Variants in ZFPM2 observed in about 807,000 individuals in gnomAD.
ZFPM2 encodes zinc finger protein, FOG family member 2.
A neutral mutation model predicts 98.6 loss-of-function variants in ZFPM2; 20 were observed. The ratio of observed to expected loss-of-function variants is 0.20; its 90% confidence interval spans 0.14 to 0.29. The LOEUF is 0.29. Ranked by LOEUF, ZFPM2 falls within the 10% of genes least tolerant of loss-of-function variation. ZFPM2 has a pLI of 1.00. For missense variants in ZFPM2, 1,310 were observed against 1,388.6 expected (o/e 0.94, Z 0.90); for synonymous variants, 518 against 502.7 (o/e 1.03, Z -0.41).
rs751900535 is a variant in ZFPM2 at position 105,788,727 on chromosome 8, T to A, written c.542T>A (p.Leu181His). ...TTTTTCTTCTTAATAGGGGGTCAGCTTTGGTGTACAACTACGAAGGCCATC... is the reference window on the plus strand; with the variant it reads ...TTTTTCTTCTTAATAGGGGGTCAGCATTGGTGTACAACTACGAAGGCCATC... ...NCIVYSKGGQLWCTTTKAISE... is the reference protein window; with the variant it reads ...NCIVYSKGGQHWCTTTKAISE... The change falls in exon 6 of 8, where the codon CTT (leucine) becomes CAT (histidine). Residue 181 changes from leucine (L) to histidine (H), a missense_variant. By Grantham distance (99) the Leu-to-His change is moderately conservative (BLOSUM62 -3). Transcript: ENST00000407775. 1.2e-6 allele frequency: 2 copies of A among 1,613,994 alleles called. No homozygotes were observed. Among genetic ancestry groups the A allele is most frequent in the Non-Finnish European group, 8.5e-7 (1 of 1,179,850 alleles).
intron 4 of ZFPM2, among the ~76,000 whole-genome samples, chr8:105,619,344 A>G (rs766457134): frequency 1.4e-4 from 22 of 152,086 alleles, no homozygotes; most frequent in Non-Finnish European, 2.8e-4. Flanking sequence ...ATTAATATTG[A>G]CAATCTACGT....
intron 3 of ZFPM2, among the ~76,000 whole-genome samples, chr8:105,460,799 A>T (rs1184410871): frequency 6.6e-6 from 1 of 152,152 alleles, no homozygotes; most frequent in Non-Finnish European, 1.5e-5. Flanking sequence ...AAGAAAAAAA[A>T]AATGCTCCAT....
chr8:105,550,600 G>A (rs768269503), intron 3 of ZFPM2, among the ~76,000 whole-genome samples: 13 of 152,060 alleles, frequency 8.5e-5, no homozygotes, highest in Non-Finnish European at 1.6e-4. Flanking sequence ...GAGAAAATAC[G>A]TACAAATCAC....
intron 3 of ZFPM2, among the ~76,000 whole-genome samples, chr8:105,557,342 C>T (rs1388093716): frequency 6.6e-6 from 1 of 152,130 alleles, no homozygotes; most frequent in Admixed American, 6.5e-5. Flanking sequence ...CTTCTGGGCC[C>T]CAGGCCTATA....
chr8:105,782,713 T>C (rs1020067792), intron 5 of ZFPM2, among the ~76,000 whole-genome samples: 1 of 152,156 alleles, frequency 6.6e-6, no homozygotes, highest in African/African-American at 2.4e-5. Flanking sequence ...CTGAGTTTGA[T>C]TGAATCCAAG....
At chr8:105,587,345 A>C (rs1167520247) in intron 4 of ZFPM2, among the ~76,000 whole-genome samples, 1 of 152,030 alleles carries the variant, frequency 6.6e-6, no homozygotes, top group Non-Finnish European at 1.5e-5. Context: ...TATACGGAAT[A>C]AAAGTGAAGA....
intron 5 of ZFPM2, among the ~76,000 whole-genome samples, chr8:105,759,937 G>A (rs1287988160): frequency 2.0e-5 from 3 of 152,022 alleles, no homozygotes; most frequent in Non-Finnish European, 4.4e-5. Context: ...GCTAGTGAAC[G>A]AAACAGACAG....
At chr8:105,548,317 A>C (rs1449371836) in intron 3 of ZFPM2, among the ~76,000 whole-genome samples, 1 of 152,158 alleles carries the variant, frequency 6.6e-6, no homozygotes, top group African/African-American at 2.4e-5. Context: ...CTAATAAGAA[A>C]AATATTTTAT....
At position 105,756,466 on chromosome 8, in the gene ZFPM2, A is replaced by G. The variant is rs1313030101; in HGVS notation, c.533-32252A>G. On this transcript the variant is annotated intron_variant, in intron 5 of 7. Coordinates refer to ENST00000407775, the MANE Select transcript of ZFPM2 (RefSeq NM_012082.4). ...GAAAAGCGAAAAAGCTCTGGTGGGC[A>G]GTCAAGGCTTTCAAGCATCCTGACA... Among the ~76,000 whole-genome samples, 13 of 152,290 alleles carry G rather than the reference A, an allele frequency of 8.5e-5. No individual in the cohort carries two copies. The South Asian group carries it at 2.7e-3, about 32-fold the overall frequency.
intron 5 of ZFPM2, among the ~76,000 whole-genome samples, chr8:105,656,230 A>C (rs1169078840): frequency 6.6e-6 from 1 of 152,146 alleles, no homozygotes; most frequent in South Asian, 2.1e-4. Flanking sequence ...AAAACAAGCA[A>C]GTGATGAAAC....
At chr8:105,536,391 T>G (rs1814451570) in intron 3 of ZFPM2, among the ~76,000 whole-genome samples, 2 of 152,168 alleles carry the variant, frequency 1.3e-5, no homozygotes. Context: ...TTGCTAAGTT[T>G]CTTTTCCCCT....
rs1280990933 is a variant in ZFPM2, at chr8:105,632,951, C to G, written c.421-1295C>G. Among the ~76,000 whole-genome samples the G allele has an allele frequency of 5.9e-5, 9 of 151,910 alleles. No homozygotes were observed. In the South Asian group the frequency reaches 1.5e-3, roughly 25 times the overall value. The stretch of plus-strand genomic sequence containing the variant: ...CATCATGGTTGATTTTTCCATTAAA[C>G]AGTATATTTTATAGTAGTTTTAACA... On this transcript the variant is annotated intron_variant, in intron 4 of 7. Coordinates refer to ENST00000407775, the MANE Select transcript of ZFPM2 (RefSeq NM_012082.4).
intron 1 of ZFPM2, among the ~76,000 whole-genome samples, chr8:105,374,539 C>T (rs1383436102): frequency 1.3e-5 from 2 of 152,042 alleles, no homozygotes; most frequent in Non-Finnish European, 2.9e-5. Flanking sequence ...GTGCACACCG[C>T]CACACCCGGT....
chr8:105,508,449 G>A (rs1022359354), intron 3 of ZFPM2, among the ~76,000 whole-genome samples: 2 of 152,112 alleles, frequency 1.3e-5, no homozygotes, highest in African/African-American at 4.8e-5. Flanking sequence ...TGGGCTGGGG[G>A]TTGTTTTGTT....
intron 5 of ZFPM2, among the ~76,000 whole-genome samples, chr8:105,747,354 C>G (rs568290686): frequency 9.9e-5 from 15 of 152,144 alleles, no homozygotes; most frequent in Admixed American, 3.9e-4. Context: ...AGAGTTTGGT[C>G]CTCTTTTGTA....
chr8:105,609,723 C>A (rs1006718199), intron 4 of ZFPM2, among the ~76,000 whole-genome samples: 1 of 152,122 alleles, frequency 6.6e-6, no homozygotes, highest in African/African-American at 2.4e-5. Context: ...TTCTTCCTAG[C>A]AAATGTTAAC....
intron 5 of ZFPM2, among the ~76,000 whole-genome samples, chr8:105,694,343 T>A (rs1330248813): frequency 6.6e-6 from 1 of 152,110 alleles, no homozygotes; most frequent in Non-Finnish European, 1.5e-5. Context: ...GAGTTTTCTG[T>A]TTTCTTGGAG....
At chr8:105,425,963 A>G (rs1214670118) in intron 2 of ZFPM2, among the ~76,000 whole-genome samples, 2 of 152,052 alleles carry the variant, frequency 1.3e-5, no homozygotes, top group South Asian at 2.1e-4. Context: ...TGTTCAGTTT[A>G]TTATTACTTT....
intron 5 of ZFPM2, among the ~76,000 whole-genome samples, chr8:105,778,582 A>G (rs1813164942): frequency 6.6e-6 from 1 of 152,102 alleles, no homozygotes; most frequent in African/African-American, 2.4e-5. Context: ...TGTGCCTACA[A>G]GAGATCATGA....
Sources: gnomAD v4.1 joint callset for allele counts (sites outside exome capture counted in the v4.1 genomes callset) on GRCh38, gnomAD v4.1.1 for gene constraint, MANE v1.5 for transcripts, NCBI Gene and HGNC (gene_info 2026-07-23, HGNC 2026-07-21) for gene names.